The following RALGAPA1 variants were observed in gnomAD, a reference collection of about 807,000 sequenced individuals.
RALGAPA1 encodes the protein Ral GTPase activating protein catalytic subunit alpha 1.
Under a neutral mutation model 269.6 loss-of-function variants are expected in RALGAPA1, and 52 were observed. The ratio of observed to expected loss-of-function variants is 0.19; its 90% confidence interval spans 0.15 to 0.24. The LOEUF (loss-of-function observed/expected upper bound fraction) is 0.24, where lower values mean the gene tolerates loss of function less well. RALGAPA1 is among the 10% of genes least tolerant of loss of function. The pLI is 1.00. For missense variants in RALGAPA1, 1,917 were observed against 3,013.9 expected, an observed-to-expected ratio of 0.64 and a Z score of 8.52; for synonymous variants, 817 against 1,008.3, an observed-to-expected ratio of 0.81 and a Z score of 3.60.
At chr14:35,620,294 T>C (rs555074823) in intron 35 of RALGAPA1, among the ~76,000 whole-genome samples, 1 of 152,194 alleles carries the variant, frequency 6.6e-6, no homozygotes, top group South Asian at 2.1e-4. Context: ...GAAAAGGCCT[T>C]TGACAAAATT....
At chr14:35,804,909 A>T (rs532019389) in intron 1 of RALGAPA1, among the ~76,000 whole-genome samples, 1 of 152,268 alleles carries the variant, frequency 6.6e-6, no homozygotes, top group South Asian at 2.1e-4. Flanking sequence ...AGCCAGAGTG[A>T]CAGAAGACCC....
At chr14:35,648,579 C>A (rs1049735486) in intron 31 of RALGAPA1, among the ~76,000 whole-genome samples, 1 of 151,916 alleles carries the variant, frequency 6.6e-6, no homozygotes. Flanking sequence ...GCTCAAGCTC[C>A]TGAGCTGAAG....
At chr14:35,578,190 T>C (rs1350735849) in intron 37 of RALGAPA1, among the ~76,000 whole-genome samples, 1 of 152,144 alleles carries the variant, frequency 6.6e-6, no homozygotes, top group African/African-American at 2.4e-5. Context: ...CAGAGTAAAA[T>C]AACCATACAA....
intron 10 of RALGAPA1, among the ~76,000 whole-genome samples, chr14:35,744,288 T>C (rs1384752301): frequency 2.6e-5 from 4 of 151,682 alleles, no homozygotes; most frequent in Non-Finnish European, 4.4e-5. Flanking sequence ...GGAGAATCGC[T>C]TGAACCCGAG....
chr14:35,612,370 C>CAAA lies in RALGAPA1; in HGVS notation c.6930-6664_6930-6662dup, dbSNP rs1010725263. On this transcript the variant is annotated intron_variant, in intron 35 of 41. Transcript: ENST00000680220. ...TGGGTGACAGAATGAAACTCTGTTTCAAAAAAAAAAAAAAAAAAAAAGAAG... is the reference window on the plus strand; with the variant it reads ...TGGGTGACAGAATGAAACTCTGTTTCAAAAAAAAAAAAAAAAAAAAAAAAGAAG... 4.4e-4 allele frequency among the ~76,000 whole-genome samples: 28 copies of CAAA among 63,006 alleles called. 1 individual carries two copies. The highest frequency in any genetic ancestry group is 8.4e-4 in the Non-Finnish European group (25 of 29,734). The allele number at this position is 63,006 out of a possible 152,430, so 41.3% of individuals were successfully genotyped here.
intron 1 of RALGAPA1, among the ~76,000 whole-genome samples, chr14:35,792,923 T>G (rs1482630727): frequency 5.6e-5 from 8 of 142,686 alleles, no homozygotes; most frequent in Non-Finnish European, 1.2e-4. Context: ...GATCAACTAG[T>G]AAGCTGCTGC....
At chr14:35,657,406 T>A (rs1057345561) in intron 28 of RALGAPA1, among the ~76,000 whole-genome samples, 1 of 151,934 alleles carries the variant, frequency 6.6e-6, no homozygotes, top group Non-Finnish European at 1.5e-5. Context: ...GCCAGGCTGG[T>A]CTCGAACTCC....
chr14:35,680,900 C>T (rs2065379960), intron 21 of RALGAPA1, among the ~76,000 whole-genome samples: 1 of 152,160 alleles, frequency 6.6e-6, no homozygotes, highest in African/African-American at 2.4e-5. Context: ...AGGTGTGAGC[C>T]ACCACGCCCG....
intron 16 of RALGAPA1, chr14:35,707,032 T>C (rs902250637): frequency 1.3e-5 from 2 of 152,204 alleles, no homozygotes; most frequent in Non-Finnish European, 2.9e-5. Flanking sequence ...CAAAGTTTCA[T>C]AGTTTTCCTC....
At chr14:35,699,991 A>G (rs1321968915) in intron 17 of RALGAPA1, among the ~76,000 whole-genome samples, 171 bp downstream of exon 17, 1 of 152,188 alleles carries the variant, frequency 6.6e-6, no homozygotes, top group African/African-American at 2.4e-5. Flanking sequence ...CTGCAAGGAC[A>G]GGATTAGAGT....
chr14:35,694,439 C>T (rs2066740843), intron 17 of RALGAPA1, among the ~76,000 whole-genome samples: 4 of 152,070 alleles, frequency 2.6e-5, no homozygotes. Flanking sequence ...GATAGAGCAT[C>T]TATGTTTCAA....
chr14:35,602,541 T>G (rs2059354698), intron 36 of RALGAPA1, among the ~76,000 whole-genome samples: 1 of 152,220 alleles, frequency 6.6e-6, no homozygotes, highest in Non-Finnish European at 1.5e-5. Context: ...ACTATGGTTT[T>G]GATTTGCATT....
rs1353066813 is a variant in RALGAPA1, at chr14:35,672,969, A to G, written c.4971T>C (p.Leu1657=). 5 of 1,570,320 alleles carry G rather than the reference A, an allele frequency of 3.2e-6. No homozygotes were observed. The highest frequency in any genetic ancestry group is 4.3e-6 in the Non-Finnish European group (5 of 1,157,884). The change falls in exon 25 of 42, where the codon CTT becomes CTC. Residue 1657 remains leucine, a synonymous_variant. Transcript: ENST00000680220. Reference sequence around the variant, plus strand: ...GTCTTCTTTTCATTGTATTACAAATAAGTTTATATGCATGTAATTTACCTT... The same window carrying G: ...GTCTTCTTTTCATTGTATTACAAATGAGTTTATATGCATGTAATTTACCTT... The part of the protein sequence containing the change: ...YKQGKLHAYK[L]ICNTMKRRQD...
chr14:35,708,749 C>T (rs1224541257), intron 16 of RALGAPA1, among the ~76,000 whole-genome samples: 2 of 152,130 alleles, frequency 1.3e-5, no homozygotes, highest in African/African-American at 4.8e-5. Flanking sequence ...CCTGGGTATA[C>T]ACCCAAAAGA....
chr14:35,763,773 T>G (rs2073917061), intron 4 of RALGAPA1, among the ~76,000 whole-genome samples: 1 of 141,022 alleles, frequency 7.1e-6, no homozygotes, highest in African/African-American at 3.0e-5. Context: ...TTCCCCGGGG[T>G]GTGTATATAT....
chr14:35,669,286 C>G (rs1281216373), intron 26 of RALGAPA1, among the ~76,000 whole-genome samples: 1 of 151,976 alleles, frequency 6.6e-6, no homozygotes, highest in East Asian at 1.9e-4. Context: ...CTGAGTTTCG[C>G]TCTTGTTGCC....
chr14:35,651,364 G>A (rs1022270305), intron 31 of RALGAPA1, among the ~76,000 whole-genome samples: 2 of 152,040 alleles, frequency 1.3e-5, no homozygotes, highest in Non-Finnish European at 1.5e-5. Context: ...AATTTACTGA[G>A]GTAAATGTCA....
At chr14:35,706,246 T>A (rs958016424) in intron 16 of RALGAPA1, among the ~76,000 whole-genome samples, 7 of 152,214 alleles carry the variant, frequency 4.6e-5, no homozygotes, top group Non-Finnish European at 7.3e-5. Context: ...TCCTATGTTG[T>A]CTTCTAGGTG....
intron 3 of RALGAPA1, among the ~76,000 whole-genome samples, chr14:35,772,980 A>C (rs906283411): frequency 6.6e-5 from 10 of 152,212 alleles, no homozygotes; most frequent in Non-Finnish European, 1.2e-4. Flanking sequence ...CATGAGACAC[A>C]TAAACTCTTT....
Sources: gnomAD v4.1 joint callset for allele counts (sites outside exome capture counted in the v4.1 genomes callset) on GRCh38, gnomAD v4.1.1 for gene constraint, MANE v1.5 for transcripts, NCBI Gene and HGNC (gene_info 2026-07-23, HGNC 2026-07-21) for gene names.